Variants in NRG3 observed in about 807,000 individuals in gnomAD.
NRG3 encodes pro-neuregulin-3, membrane-bound isoform.
In NRG3, 31 loss-of-function variants were observed where a neutral mutation model predicts 66.9. The observed-to-expected ratio is 0.46, with a 90% CI of 0.35 to 0.63. NRG3 has a LOEUF of 0.63. NRG3 is among the 20% of genes least tolerant of loss of function. The probability of loss-of-function intolerance (pLI) is 0.00; values close to 1 mark genes in which losing one functional copy is unlikely to be tolerated. For synonymous variants in NRG3, 393 were observed against 359.4 expected (o/e 1.09, Z -1.06); for missense variants, 910 against 878.9 (o/e 1.04, Z -0.45).
intron 2 of NRG3, among the ~76,000 whole-genome samples, chr10:82,631,570 C>T (rs1467484804): frequency 6.6e-6 from 1 of 150,584 alleles, no homozygotes; most frequent in South Asian, 2.1e-4. Context: ...TGGGCATCCC[C>T]AGATGCCTTC....
intron 2 of NRG3, among the ~76,000 whole-genome samples, chr10:82,376,328 A>C (rs2085237184): frequency 1.3e-5 from 2 of 152,210 alleles, no homozygotes; most frequent in Admixed American, 6.5e-5. Flanking sequence ...AAAGCTGCCT[A>C]AGTGATTTCC....
intron 2 of NRG3, among the ~76,000 whole-genome samples, chr10:82,619,774 G>A (rs2048916113): frequency 6.6e-6 from 1 of 152,150 alleles, no homozygotes; most frequent in Non-Finnish European, 1.5e-5. Context: ...GACAGACATA[G>A]AGGAAGGATC....
chr10:82,835,668 T>G (rs2062737104), intron 3 of NRG3, among the ~76,000 whole-genome samples: 1 of 152,168 alleles, frequency 6.6e-6, no homozygotes, highest in African/African-American at 2.4e-5. Flanking sequence ...TGTTCTGAGC[T>G]TTTATGAAGT....
intron 2 of NRG3, among the ~76,000 whole-genome samples, chr10:82,391,253 T>C (rs2086346727): frequency 6.6e-6 from 1 of 152,170 alleles, no homozygotes. Flanking sequence ...GAGGCTTCTT[T>C]TAAAGCCTCT....
chr10:82,796,394 G>T (rs761729473), intron 3 of NRG3, among the ~76,000 whole-genome samples: 1 of 152,134 alleles, frequency 6.6e-6, no homozygotes, highest in African/African-American at 2.4e-5. Context: ...CATTTCATGG[G>T]AGAGAACGAG....
rs191571811 is a variant in NRG3, at chr10:82,064,923, A to T, written c.823+188760A>T. ...TGAAGATACTCTTAAATACCCATAT[A>T]ACAACTATTCATGCACACATAAAGA... is the stretch of plus-strand genomic sequence containing the variant. On this transcript the variant is annotated intron_variant, in intron 1 of 8. Transcript: ENST00000372141. Among the ~76,000 whole-genome samples the T allele has an allele frequency of 8.5e-5, 13 of 152,352 alleles. No individual in the cohort carries two copies. In the East Asian group the frequency reaches 2.5e-3, roughly 29 times the overall value.
At chr10:82,707,875 A>T (rs2056413181) in intron 2 of NRG3, among the ~76,000 whole-genome samples, 2 of 143,340 alleles carry the variant, frequency 1.4e-5, no homozygotes, top group East Asian at 2.1e-4. Flanking sequence ...AAAAAAAATT[A>T]GCCAGGTGTG....
At chr10:82,720,426 G>T (rs1390664533) in intron 2 of NRG3, among the ~76,000 whole-genome samples, 1 of 151,930 alleles carries the variant, frequency 6.6e-6, no homozygotes, top group East Asian at 1.9e-4. Context: ...GAGCACTTGA[G>T]AAATATGCAT....
At chr10:82,585,944 A>G (rs2046644561) in intron 2 of NRG3, among the ~76,000 whole-genome samples, 1 of 152,218 alleles carries the variant, frequency 6.6e-6, no homozygotes, top group Non-Finnish European at 1.5e-5. Context: ...AAACTGCGTT[A>G]ATATTCAATA....
At chr10:81,938,625 G>GTGTGTT (rs1848115744) in intron 1 of NRG3, among the ~76,000 whole-genome samples, 1 of 150,748 alleles carries the variant, frequency 6.6e-6, no homozygotes, top group African/African-American at 2.5e-5. Flanking sequence ...GACAGTGTGT[G>GTGTGTT]TGTGTGTGTG....
chr10:82,145,474 G>A (rs933817398), intron 1 of NRG3, among the ~76,000 whole-genome samples: 5 of 152,268 alleles, frequency 3.3e-5, no homozygotes, highest in Admixed American at 2.0e-4. Context: ...TTTATGGAAA[G>A]CAAATGTATA....
chr10:82,509,880 A>G (rs375437563), intron 2 of NRG3, among the ~76,000 whole-genome samples: 1 of 152,172 alleles, frequency 6.6e-6, no homozygotes, highest in East Asian at 1.9e-4. Flanking sequence ...CTCTGTCCCT[A>G]CCATTCTGTA....
intron 2 of NRG3, among the ~76,000 whole-genome samples, chr10:82,655,213 A>G (rs1182201333): frequency 6.6e-6 from 1 of 152,136 alleles, no homozygotes; most frequent in Non-Finnish European, 1.5e-5. Flanking sequence ...CTTAATGAAA[A>G]ATAAAGGATA....
At chr10:81,934,715 A>C (rs1055928821) in intron 1 of NRG3, among the ~76,000 whole-genome samples, 10 of 152,138 alleles carry the variant, frequency 6.6e-5, no homozygotes, top group Non-Finnish European at 1.5e-4. Flanking sequence ...TTTTGCTATA[A>C]TTTATTTTAG....
chr10:82,284,290 G>A (rs754092103), intron 1 of NRG3, among the ~76,000 whole-genome samples: 4 of 152,144 alleles, frequency 2.6e-5, no homozygotes, highest in Non-Finnish European at 4.4e-5. Flanking sequence ...TACCGCAGAC[G>A]CCATAAACAT....
At chr10:82,160,430 G>A (rs534030041) in intron 1 of NRG3, among the ~76,000 whole-genome samples, 2 of 152,042 alleles carry the variant, frequency 1.3e-5, no homozygotes, top group Admixed American at 1.3e-4. Context: ...CTTTGTCATG[G>A]CTATACAGAT....
intron 1 of NRG3, among the ~76,000 whole-genome samples, chr10:82,240,378 T>C (rs1311479390): frequency 6.6e-6 from 1 of 151,934 alleles, no homozygotes; most frequent in Non-Finnish European, 1.5e-5. Flanking sequence ...CAGATACATA[T>C]AAAATGCATG....
intron 1 of NRG3, among the ~76,000 whole-genome samples, chr10:81,938,643 A>ATGTG (rs1564674211): frequency 0.04 from 5,822 of 145,586 alleles, 127 homozygotes; most frequent in Non-Finnish European, 0.047. Context: ...GTGTGTGTGC[A>ATGTG]TGCATGCATG....
At chr10:82,097,127 C>T (rs1032320108) in intron 1 of NRG3, among the ~76,000 whole-genome samples, 5 of 151,786 alleles carry the variant, frequency 3.3e-5, no homozygotes, top group African/African-American at 1.2e-4. Flanking sequence ...GCAACTGTGT[C>T]GCTATAATTT....
Sources: gnomAD v4.1 joint callset for allele counts (sites outside exome capture counted in the v4.1 genomes callset) on GRCh38, gnomAD v4.1.1 for gene constraint, MANE v1.5 for transcripts, NCBI Gene and HGNC (gene_info 2026-07-23, HGNC 2026-07-21) for gene names.